The following GLIS3 variants were observed in gnomAD, a reference collection of about 807,000 sequenced individuals.
The protein encoded by GLIS3 is GLIS family zinc finger 3, also known as zinc finger protein GLIS3.
GLIS3 carries 53 observed loss-of-function variants against 78.6 expected under a neutral mutation model. That is an observed-to-expected ratio of 0.67 (90% CI 0.54 to 0.85). The LOEUF is 0.85. GLIS3 is among the 40% of genes least tolerant of loss of function. The pLI is 0.00. For missense variants in GLIS3, 1,703 were observed against 1,231.1 expected, an observed-to-expected ratio of 1.38 and a Z score of -5.74; for synonymous variants, 684 against 509.9, an observed-to-expected ratio of 1.34 and a Z score of -4.60.
intron 9 of GLIS3, among the ~76,000 whole-genome samples, chr9:3,851,586 T>C (rs1819435185): frequency 6.6e-6 from 1 of 152,216 alleles, no homozygotes; most frequent in Admixed American, 6.5e-5. Context: ...GTGTGCCTTT[T>C]ACAAAATGCC....
the GLIS3 span, among the ~76,000 whole-genome samples, chr9:4,452,338 G>A: frequency 3.9e-5 from 6 of 152,136 alleles, no homozygotes; most frequent in Admixed American, 1.3e-4. Flanking sequence ...TCAGGCAAGA[G>A]AAAGAAAGAA....
chr9:3,961,799 T>A (rs1287392395), intron 4 of GLIS3, among the ~76,000 whole-genome samples: 1 of 152,150 alleles, frequency 6.6e-6, no homozygotes, highest in Admixed American at 6.6e-5. Context: ...TCATGAGAAG[T>A]TGCATTAACT....
chr9:4,055,864 A>T (rs1826114188), intron 4 of GLIS3, among the ~76,000 whole-genome samples: 1 of 152,174 alleles, frequency 6.6e-6, no homozygotes, highest in Non-Finnish European at 1.5e-5. Context: ...TTCTTAGAAC[A>T]TTTCTTTTGC....
At chr9:3,897,513 T>C (rs1306767732) in intron 7 of GLIS3, among the ~76,000 whole-genome samples, 1 of 152,204 alleles carries the variant, frequency 6.6e-6, no homozygotes, top group African/African-American at 2.4e-5. Context: ...GATGTCTGTA[T>C]ATGAACCTGT....
intron 2 of GLIS3, among the ~76,000 whole-genome samples, chr9:4,135,869 G>C (rs1054783171): frequency 3.3e-5 from 5 of 152,178 alleles, no homozygotes; most frequent in African/African-American, 9.7e-5. Flanking sequence ...CTTAGAGCTA[G>C]AAACATCCTG....
chr9:4,306,237 A>G (rs1351157528), intron 4 of GLIS3, among the ~76,000 whole-genome samples: 2 of 132,004 alleles, frequency 1.5e-5, no homozygotes, highest in African/African-American at 5.9e-5. Context: ...GTGCCCAGCT[A>G]ATTTCTTTTA....
At chr9:4,225,619 G>C (rs1344202269) in intron 2 of GLIS3, among the ~76,000 whole-genome samples, 1 of 152,168 alleles carries the variant, frequency 6.6e-6, no homozygotes, top group Non-Finnish European at 1.5e-5. Flanking sequence ...GCAGGCTAAA[G>C]AGAAAAGCTA....
At chr9:4,297,201 C>T (rs1198350069) in intron 1 of GLIS3, among the ~76,000 whole-genome samples, 1 of 152,152 alleles carries the variant, frequency 6.6e-6, no homozygotes, top group Admixed American at 6.5e-5. Context: ...CTGGCTTACT[C>T]CCAAGGCAGA....
At chr9:3,899,046 G>A (rs549440813) in intron 6 of GLIS3, 2 of 622,656 alleles carry the variant, frequency 3.2e-6, no homozygotes, top group Non-Finnish European at 5.7e-6. Context: ...GGAAAAATGT[G>A]GCTAGAGGCG....
upstream of GLIS3, among the ~76,000 whole-genome samples, chr9:4,301,242 G>A (rs899079497): frequency 3.3e-5 from 5 of 152,152 alleles, no homozygotes; most frequent in African/African-American, 9.7e-5. Context: ...TTTGTCAGCA[G>A]AAGTAGGGGA....
intron 7 of GLIS3, among the ~76,000 whole-genome samples, chr9:3,884,131 T>G (rs1821915663): frequency 6.6e-6 from 1 of 152,218 alleles, no homozygotes; most frequent in African/African-American, 2.4e-5. Flanking sequence ...CTCAGGTTAA[T>G]TTGGTTAGTA....
intron 2 of GLIS3, chr9:4,144,736 T>C (rs1245996856): frequency 3.3e-5 from 5 of 152,192 alleles, no homozygotes; most frequent in Non-Finnish European, 7.4e-5. Context: ...CAATAAAACA[T>C]AAGCCACTGG....
At chr9:4,336,193 T>A (rs1433813515) in intron 2 of GLIS3, among the ~76,000 whole-genome samples, 2 of 152,230 alleles carry the variant, frequency 1.3e-5, no homozygotes, top group African/African-American at 4.8e-5. Flanking sequence ...GACCTAATCT[T>A]GGGAGTCTCC....
At chr9:3,878,510 T>C (rs1490878534) in intron 8 of GLIS3, 1 of 152,270 alleles carries the variant, frequency 6.6e-6, no homozygotes, top group East Asian at 1.9e-4. Flanking sequence ...AGGCCAACAA[T>C]GATGGAACCT....
chr9:3,920,278 C>T (rs1824796929), intron 6 of GLIS3, among the ~76,000 whole-genome samples: 1 of 152,202 alleles, frequency 6.6e-6, no homozygotes, highest in African/African-American at 2.4e-5. Flanking sequence ...GCTGGGATTA[C>T]AGGCATGAGC....
At chr9:4,453,296 G>T in the GLIS3 span, among the ~76,000 whole-genome samples, 1 of 120,486 alleles carries the variant, frequency 8.3e-6, no homozygotes, top group East Asian at 2.8e-4. Flanking sequence ...GGCAACAAAA[G>T]TCAAAATTGA....
intron 4 of GLIS3, among the ~76,000 whole-genome samples, chr9:3,951,423 G>T (rs541317856): frequency 2.2e-4 from 34 of 151,586 alleles, no homozygotes; most frequent in African/African-American, 8.2e-4. Context: ...AGGCATCCAT[G>T]AGCTACAGCC....
At chr9:4,018,909 T>C (rs936747083) in intron 4 of GLIS3, among the ~76,000 whole-genome samples, 1 of 152,206 alleles carries the variant, frequency 6.6e-6, no homozygotes, top group Non-Finnish European at 1.5e-5. Context: ...AATCTTTGAA[T>C]GTGACAGGCT....
the GLIS3 span, among the ~76,000 whole-genome samples, chr9:4,490,005 C>T: frequency 6.6e-6 from 1 of 152,210 alleles, no homozygotes; most frequent in Non-Finnish European, 1.5e-5. Context: ...TGGCACATCC[C>T]AGCCTGAGTA....
Sources: allele counts gnomAD v4.1 joint callset (sites outside exome capture counted in the v4.1 genomes callset), GRCh38; gene constraint gnomAD v4.1.1; transcripts MANE v1.5; gene names NCBI Gene and HGNC (gene_info 2026-07-23, HGNC 2026-07-21).